Variants in BCL11A observed in about 807,000 individuals in gnomAD.
The protein encoded by BCL11A is BCL11 transcription factor A, also known as B cell CLL/lymphoma 11A.
Under a neutral mutation model 55.9 loss-of-function variants are expected in BCL11A, and 2 were observed. That is an observed-to-expected ratio of 0.04 (90% CI 0.01 to 0.11). The LOEUF (loss-of-function observed/expected upper bound fraction) is 0.11, where lower values mean the gene tolerates loss of function less well. BCL11A is among the 10% of genes least tolerant of loss of function. The pLI is 1.00. For synonymous variants in BCL11A, 465 were observed against 473.4 expected, an observed-to-expected ratio of 0.98 and a Z score of 0.23; for missense variants, 817 against 1,137.1, an observed-to-expected ratio of 0.72 and a Z score of 4.05.
chr2:60,508,445 G>A (rs186766611), intron 2 of BCL11A, among the ~76,000 whole-genome samples: 33 of 152,312 alleles, frequency 2.2e-4, no homozygotes, highest in Non-Finnish European at 4.3e-4. Context: ...CAGTTGCTGC[G>A]AGACAAATAT....
At chr2:60,521,777 C>T (rs543039567) in intron 2 of BCL11A, among the ~76,000 whole-genome samples, 65 of 152,314 alleles carry the variant, frequency 4.3e-4, no homozygotes, top group African/African-American at 6.7e-4. Context: ...CTACCAGCCA[C>T]GTGAGCACGT....
intron 2 of BCL11A, chr2:60,522,074 A>G (rs1669021042): frequency 6.6e-6 from 1 of 152,224 alleles, no homozygotes; most frequent in African/African-American, 2.4e-5. Context: ...CCGACTAAAC[A>G]AGGCCATACT....
intron 2 of BCL11A, among the ~76,000 whole-genome samples, chr2:60,514,495 T>TAAAA (rs58972358): frequency 8.4e-6 from 1 of 119,346 alleles, no homozygotes; most frequent in Non-Finnish European, 1.7e-5. Flanking sequence ...CATCTCTACT[T>TAAAA]AAAAAAAAAA....
intron 2 of BCL11A, chr2:60,538,091 AATAACATG>A (rs1669751343): frequency 6.6e-6 from 1 of 152,234 alleles, no homozygotes; most frequent in African/African-American, 2.4e-5. Flanking sequence ...TTCAGTTCTG[AATAACATG>A]CTGCCAGCCC....
intron 2 of BCL11A, among the ~76,000 whole-genome samples, chr2:60,529,955 G>A (rs1157856343): frequency 6.6e-6 from 1 of 152,184 alleles, no homozygotes; most frequent in African/African-American, 2.4e-5. Context: ...GTTAGTAACA[G>A]GGAAATTCAA....
In BCL11A at chr2:60,516,607, A is replaced by G. The variant is rs550940990; in HGVS notation, c.385+29364T>C. 7.2e-5 allele frequency among the ~76,000 whole-genome samples: 11 copies of G among 152,328 alleles called. No homozygotes were observed. In the South Asian group the frequency reaches 2.3e-3, roughly 32 times the overall value. ...TGTCAGGAGTGGAGAGCTAAGCTCA[A>G]TATGGACAAGGACAGAGAGGGGCAC... is the stretch of plus-strand genomic sequence containing the variant. On this transcript the variant is annotated intron_variant, in intron 2 of 3. Coordinates refer to ENST00000642384, the MANE Select transcript of BCL11A (RefSeq NM_022893.4).
At chr2:60,506,292 A>G (rs1011531916) in intron 2 of BCL11A, among the ~76,000 whole-genome samples, 4 of 152,230 alleles carry the variant, frequency 2.6e-5, no homozygotes, top group African/African-American at 9.6e-5. Context: ...TCAGAGGAAG[A>G]GTCACCTTCA....
chr2:60,550,551 G>A (rs1437334553), intron 1 of BCL11A, among the ~76,000 whole-genome samples: 1 of 151,094 alleles, frequency 6.6e-6, no homozygotes, highest in South Asian at 2.1e-4. Flanking sequence ...AGCCCACATA[G>A]CAGAGGCGGG....
intron 2 of BCL11A, among the ~76,000 whole-genome samples, chr2:60,473,374 G>A (rs551475318): frequency 1.2e-3 from 189 of 151,982 alleles, no homozygotes; most frequent in African/African-American, 3.9e-3. Flanking sequence ...ACACTATGAT[G>A]AGGAGGGGTC....
intron 2 of BCL11A, among the ~76,000 whole-genome samples, chr2:60,499,295 C>A (rs1211555422): frequency 6.6e-6 from 1 of 152,194 alleles, no homozygotes; most frequent in East Asian, 1.9e-4. Flanking sequence ...GACGCCCCTG[C>A]CCAGCCATAC....
downstream of BCL11A, among the ~76,000 whole-genome samples, chr2:60,454,695 A>T (rs926971112): frequency 6.6e-6 from 1 of 152,212 alleles, no homozygotes; most frequent in Non-Finnish European, 1.5e-5. Flanking sequence ...GAGGCTTCTC[A>T]ACTCCTTTTC....
At chr2:60,527,676 C>T (rs933712328) in intron 2 of BCL11A, 2 of 152,168 alleles carry the variant, frequency 1.3e-5, no homozygotes, top group Non-Finnish European at 2.9e-5. Context: ...AGCTCCCATC[C>T]GATACTCGCC....
chr2:60,495,150 C>A (rs528550706), intron 2 of BCL11A, among the ~76,000 whole-genome samples: 1 of 152,242 alleles, frequency 6.6e-6, no homozygotes, highest in East Asian at 1.9e-4. Flanking sequence ...ACCAAGAGAG[C>A]CTTCCGAAAG....
At chr2:60,467,261 G>T in intron 3 of BCL11A, among the ~76,000 whole-genome samples, 1 of 111,538 alleles carries the variant, frequency 9.0e-6, no homozygotes. Context: ...AATGGTGGTG[G>T]TGGTGATGGT....
At chr2:60,548,628 A>G (rs1356642110) in intron 1 of BCL11A, among the ~76,000 whole-genome samples, 1 of 152,224 alleles carries the variant, frequency 6.6e-6, no homozygotes, top group Non-Finnish European at 1.5e-5. Flanking sequence ...AAAACCTGTA[A>G]CCTCAACATT....
intron 1 of BCL11A, among the ~76,000 whole-genome samples, chr2:60,550,555 A>AGGCGGGG (rs1670364996): frequency 1.2e-5 from 1 of 86,590 alleles, no homozygotes; most frequent in Admixed American, 1.2e-4. Flanking sequence ...CACATAGCAG[A>AGGCGGGG]GGCGGGGGGC....
chr2:60,472,256 T>C (rs557836594), intron 2 of BCL11A, among the ~76,000 whole-genome samples: 2 of 152,342 alleles, frequency 1.3e-5, no homozygotes, highest in East Asian at 3.9e-4. Context: ...GTGTCCTCAC[T>C]GCTTCCATTA....
chr2:60,467,110 A>ATG (rs1676670407), intron 3 of BCL11A, among the ~76,000 whole-genome samples: 3 of 72,524 alleles, frequency 4.1e-5, no homozygotes, highest in Non-Finnish European at 5.9e-5. Flanking sequence ...TGGTGGTGGT[A>ATG]GTGGTGGTGG....
chr2:60,481,791 G>T (rs527844131), intron 2 of BCL11A, among the ~76,000 whole-genome samples: 95 of 152,294 alleles, frequency 6.2e-4, no homozygotes, highest in Non-Finnish European at 8.4e-4. Context: ...CATTCTGTGT[G>T]ATGGTGGGAG....
Sources: allele counts gnomAD v4.1 joint callset (sites outside exome capture counted in the v4.1 genomes callset), GRCh38; gene constraint gnomAD v4.1.1; transcripts MANE v1.5; gene names NCBI Gene and HGNC (gene_info 2026-07-23, HGNC 2026-07-21).